GABRG3: variants seen among roughly 807,000 people sequenced by gnomAD.
The protein encoded by GABRG3 is gamma-aminobutyric acid receptor subunit gamma-3.
In GABRG3, 25 loss-of-function variants were observed where a neutral mutation model predicts 48.8. The observed-to-expected ratio is 0.51, with a 90% confidence interval of 0.37 to 0.72. The LOEUF is 0.72. GABRG3 is among the 30% of genes least tolerant of loss of function. The pLI, the probability that GABRG3 is intolerant of heterozygous loss-of-function variation, is 0.00. For synonymous variants in GABRG3, 227 were observed against 217.6 expected, an observed-to-expected ratio of 1.04 and a Z score of -0.38; for missense variants, 394 against 577.9, an observed-to-expected ratio of 0.68 and a Z score of 3.26.
intron 5 of GABRG3, among the ~76,000 whole-genome samples, chr15:27,419,916 CT>C (rs1201407575): frequency 6.6e-6 from 1 of 152,130 alleles, no homozygotes; most frequent in Non-Finnish European, 1.5e-5. Flanking sequence ...TCTTTGATGT[CT>C]TTAAAACACT....
rs1310034150 is a variant in GABRG3, at chr15:27,388,109, A to AAGGAAGGAAGGAAGG, written c.574+59222_574+59223insGGAAGGAAGGAAGGA. On this transcript the variant is annotated intron_variant, in intron 5 of 9. Coordinates refer to ENST00000615808, the MANE Select transcript of GABRG3 (RefSeq NM_033223.5). ...AAGGAGGGAGGAAAGGGAGGGAGGG[A>AAGGAAGGAAGGAAGG]AAAGAAGGAAGGAAGGAAAGGAGGG... Among the ~76,000 whole-genome samples the AAGGAAGGAAGGAAGG allele has an allele frequency of 1.4e-4, 4 of 29,560 alleles. 1 individual carries two copies. In the South Asian group the frequency reaches 3.6e-3, roughly 27 times the overall value. The allele number at this position is 29,560 out of a possible 152,430, so 19.4% of individuals were successfully genotyped here. A position where few individuals can be genotyped will look rare whatever the true frequency, so the allele number is the denominator to read the frequency against.
chr15:27,103,124 C>T (rs950895316), intron 3 of GABRG3, among the ~76,000 whole-genome samples: 3 of 152,192 alleles, frequency 2.0e-5, no homozygotes, highest in Admixed American at 6.5e-5. Context: ...GTGTTGTGAT[C>T]TGTATGAAAT....
At chr15:27,164,347 T>C (rs1887303155) in intron 3 of GABRG3, among the ~76,000 whole-genome samples, 1 of 152,220 alleles carries the variant, frequency 6.6e-6, no homozygotes, top group Non-Finnish European at 1.5e-5. Context: ...ATACTCACAA[T>C]ACGGTAAATC....
chr15:27,134,202 A>T (rs190998549), intron 3 of GABRG3, among the ~76,000 whole-genome samples: 3 of 152,304 alleles, frequency 2.0e-5, no homozygotes, highest in Non-Finnish European at 4.4e-5. Context: ...TGTGAACATG[A>T]TTGGCCTGAG....
intron 3 of GABRG3, among the ~76,000 whole-genome samples, chr15:27,226,783 A>G (rs989409019): frequency 6.6e-6 from 1 of 152,044 alleles, no homozygotes. Flanking sequence ...AATGCTCCCC[A>G]CTTCTTGGCA....
intron 3 of GABRG3, among the ~76,000 whole-genome samples, chr15:27,249,702 A>G (rs1452735553): frequency 6.6e-6 from 1 of 152,116 alleles, no homozygotes; most frequent in Non-Finnish European, 1.5e-5. Flanking sequence ...TTAAAGAGAG[A>G]ATGTGATTTA....
At chr15:27,421,507 C>G (rs1888111720) in intron 5 of GABRG3, among the ~76,000 whole-genome samples, 1 of 151,888 alleles carries the variant, frequency 6.6e-6, no homozygotes. Flanking sequence ...TATAAATCCA[C>G]CAATACTGAG....
chr15:27,465,891 T>C (rs1208168222), intron 5 of GABRG3, among the ~76,000 whole-genome samples: 3 of 146,182 alleles, frequency 2.1e-5, no homozygotes, highest in Non-Finnish European at 4.5e-5. Context: ...TTCTGCTGTA[T>C]TTCATTTTAA....
chr15:27,189,489 A>G (rs568051632), intron 3 of GABRG3, among the ~76,000 whole-genome samples: 2 of 152,188 alleles, frequency 1.3e-5, no homozygotes, highest in South Asian at 4.2e-4. Context: ...TCTTTGAAGC[A>G]ATTGTGAATG....
chr15:27,291,312 AACTTTAGATATC>A lies in GABRG3; in HGVS notation c.271-35492_271-35481del, dbSNP rs533530425. On this transcript the variant is annotated intron_variant, in intron 3 of 9. Transcript: ENST00000615808. ...TGGGGATAAATATGGCTTTCTATGT[AACTTTAGATATC>A]ACTTATATTTTAAGAATGTTATTTT... is the stretch of plus-strand genomic sequence containing the variant. 1.2e-3 allele frequency among the ~76,000 whole-genome samples: 179 copies of A among 152,360 alleles called. 2 individuals carry two copies. The highest frequency in any genetic ancestry group is 3.4e-3 in the Middle Eastern group (1 of 294).
At chr15:27,309,294 TTA>T (rs1310041346) in intron 3 of GABRG3, among the ~76,000 whole-genome samples, 4 of 147,676 alleles carry the variant, frequency 2.7e-5, no homozygotes, top group East Asian at 4.0e-4. Context: ...ATTCTGTGTT[TTA>T]TATATGTGTG....
chr15:27,263,488 G>C (rs765644164), intron 3 of GABRG3, among the ~76,000 whole-genome samples: 16 of 152,214 alleles, frequency 1.1e-4, no homozygotes, highest in Admixed American at 2.0e-4. Flanking sequence ...ACAAGCAGAT[G>C]AGACCTGTGA....
intron 3 of GABRG3, among the ~76,000 whole-genome samples, chr15:27,188,189 C>T (rs1384881933): frequency 3.9e-5 from 6 of 152,124 alleles, no homozygotes; most frequent in Non-Finnish European, 7.3e-5. Context: ...AAGAAACATA[C>T]GTGTGCATGT....
At chr15:27,366,102 A>G (rs1895190147) in intron 5 of GABRG3, 1 of 152,200 alleles carries the variant, frequency 6.6e-6, no homozygotes, top group Non-Finnish European at 1.5e-5. Context: ...GTGGAAACAA[A>G]CACATGAAGC....
At chr15:27,263,888 T>A (rs560151085) in intron 3 of GABRG3, among the ~76,000 whole-genome samples, 2 of 148,582 alleles carry the variant, frequency 1.3e-5, no homozygotes, top group African/African-American at 2.5e-5. Flanking sequence ...ATCGCGCCAC[T>A]GCACTCCAGC....
At chr15:27,529,705 G>T (rs1891371534) in intron 9 of GABRG3, among the ~76,000 whole-genome samples, 1 of 152,056 alleles carries the variant, frequency 6.6e-6, no homozygotes, top group Admixed American at 6.6e-5. Context: ...GCTTCCAAGT[G>T]GCGTGGGACC....
At chr15:27,033,948 C>A (rs1896132080) in intron 3 of GABRG3, among the ~76,000 whole-genome samples, 2 of 152,030 alleles carry the variant, frequency 1.3e-5, no homozygotes, top group African/African-American at 4.8e-5. Flanking sequence ...GGCCTTTGGA[C>A]CTGAGGAATT....
chr15:27,317,645 T>C (rs762683433), intron 3 of GABRG3, among the ~76,000 whole-genome samples: 1 of 152,232 alleles, frequency 6.6e-6, no homozygotes, highest in Non-Finnish European at 1.5e-5. Flanking sequence ...TAAAACGTGA[T>C]TTGACAATGT....
chr15:27,098,130 C>G (rs931077980), intron 3 of GABRG3, among the ~76,000 whole-genome samples: 10 of 152,036 alleles, frequency 6.6e-5, no homozygotes, highest in African/African-American at 1.9e-4. Flanking sequence ...AAGATTCAGT[C>G]TTTTAAAAAA....
Sources: allele counts gnomAD v4.1 joint callset (sites outside exome capture counted in the v4.1 genomes callset), GRCh38; gene constraint gnomAD v4.1.1; transcripts MANE v1.5; gene names NCBI Gene and HGNC (gene_info 2026-07-23, HGNC 2026-07-21).